The following ROR1 variants were observed in gnomAD, a reference collection of about 807,000 sequenced individuals.
ROR1 encodes inactive tyrosine-protein kinase transmembrane receptor ROR1.
ROR1 carries 19 observed loss-of-function variants against 78.8 expected under a neutral mutation model. The ratio of observed to expected loss-of-function variants is 0.24; its 90% CI spans 0.17 to 0.35. ROR1 has a LOEUF of 0.35. Ranked by LOEUF, ROR1 falls within the 10% of genes least tolerant of loss-of-function variation. The probability of loss-of-function intolerance (pLI) is 1.00; values close to 1 mark genes in which losing one functional copy is unlikely to be tolerated. For synonymous variants in ROR1, 386 were observed against 433.6 expected (o/e 0.89, Z 1.36); for missense variants, 917 against 1,177.8 (o/e 0.78, Z 3.24).
intron 1 of ROR1, among the ~76,000 whole-genome samples, chr1:63,829,431 G>T (rs973079138): frequency 1.7e-4 from 26 of 152,280 alleles, no homozygotes; most frequent in Non-Finnish European, 3.5e-4. Flanking sequence ...TGGGAGCACC[G>T]TCACGAGGGA....
At chr1:63,860,597 A>G (rs1456809215) in intron 1 of ROR1, among the ~76,000 whole-genome samples, 1 of 151,148 alleles carries the variant, frequency 6.6e-6, no homozygotes, top group African/African-American at 2.4e-5. Flanking sequence ...ACACACACAC[A>G]CACACACATA....
At chr1:63,799,158 A>G (rs151032093) in intron 1 of ROR1, among the ~76,000 whole-genome samples, 1 of 152,288 alleles carries the variant, frequency 6.6e-6, no homozygotes, top group African/African-American at 2.4e-5. Flanking sequence ...TAGAGATAAT[A>G]CATGTAAAGC....
At chr1:64,173,719 A>G (rs1211939359) in intron 8 of ROR1, among the ~76,000 whole-genome samples, 1 of 152,186 alleles carries the variant, frequency 6.6e-6, no homozygotes, top group East Asian at 1.9e-4. Flanking sequence ...AGTGGAGGGG[A>G]ATGCAGCTGG....
intron 1 of ROR1, among the ~76,000 whole-genome samples, chr1:63,803,229 A>G (rs1054971949): frequency 6.6e-5 from 10 of 152,210 alleles, no homozygotes; most frequent in Non-Finnish European, 1.5e-5. Context: ...AGTTTTACAG[A>G]TTTCGGTGGC....
chr1:64,022,068 A>C (rs1249310066), intron 2 of ROR1, among the ~76,000 whole-genome samples: 1 of 152,338 alleles, frequency 6.6e-6, no homozygotes, highest in South Asian at 2.1e-4. Context: ...GGCCATAAAA[A>C]GGAATGAAGT....
At chr1:64,058,460 T>G (rs1646891532) in intron 4 of ROR1, among the ~76,000 whole-genome samples, 1 of 152,058 alleles carries the variant, frequency 6.6e-6, no homozygotes. Context: ...TGATGTTAGC[T>G]GCGTTTTTCC....
intron 7 of ROR1, among the ~76,000 whole-genome samples, chr1:64,151,859 G>T (rs1014034276): frequency 2.7e-5 from 4 of 147,392 alleles, no homozygotes; most frequent in Non-Finnish European, 4.5e-5. Context: ...CTCCAGCCTC[G>T]GTGACAGAGC....
chr1:64,098,076 T>G (rs1647368183), intron 4 of ROR1, among the ~76,000 whole-genome samples: 1 of 152,102 alleles, frequency 6.6e-6, no homozygotes, highest in African/African-American at 2.4e-5. Context: ...AATCAATATT[T>G]CTGCCACTCG....
At chr1:64,096,597 C>G (rs552189256) in intron 4 of ROR1, among the ~76,000 whole-genome samples, 1 of 152,112 alleles carries the variant, frequency 6.6e-6, no homozygotes. Flanking sequence ...GCATTGTATT[C>G]CATGGAGTAT....
At chr1:63,845,382 A>T (rs1645074404) in intron 1 of ROR1, among the ~76,000 whole-genome samples, 1 of 152,218 alleles carries the variant, frequency 6.6e-6, no homozygotes, top group Admixed American at 6.5e-5. Flanking sequence ...TAAACGAACA[A>T]ACAAAAAAAC....
chr1:63,852,848 C>G (rs1645122750), intron 1 of ROR1, among the ~76,000 whole-genome samples: 1 of 152,166 alleles, frequency 6.6e-6, no homozygotes, highest in African/African-American at 2.4e-5. Flanking sequence ...TCTGTAAGGA[C>G]TTTATACAGA....
intron 1 of ROR1, among the ~76,000 whole-genome samples, chr1:64,001,553 G>A (rs567903720): frequency 6.6e-6 from 1 of 152,258 alleles, no homozygotes; most frequent in East Asian, 1.9e-4. Flanking sequence ...GGGAGAAACT[G>A]GGTGAAGGGT....
At chr1:64,140,057 A>G (rs1649251143) in intron 5 of ROR1, 52 bp from the exon 6 acceptor site, 1 of 1,547,214 alleles carries the variant, frequency 6.5e-7, no homozygotes, top group Non-Finnish European at 8.9e-7. Flanking sequence ...CTAGATAACC[A>G]AAGAAGATAA....
Position 64,069,217 on chromosome 1 carries a change from C to A in ROR1, c.482+18501C>A, listed in dbSNP as rs183476535. Among the ~76,000 whole-genome samples the A allele has an allele frequency of 5.3e-4, 81 of 151,916 alleles. 1 individual carries two copies. The highest frequency in any genetic ancestry group is 4.0e-4 in the Non-Finnish European group (27 of 67,948). Reference sequence around the variant, plus strand: ...TCACTGTGTATTTGCTGAAAAGGGTCTCTTTATTATTGTCCACTTTATTAT... The same window carrying A: ...TCACTGTGTATTTGCTGAAAAGGGTATCTTTATTATTGTCCACTTTATTAT... On this transcript the variant is annotated intron_variant, in intron 4 of 8. Transcript: ENST00000371079.
At chr1:63,940,498 C>CAGACAGACAGACAGACAGACAGATAGAT (rs1230477303) in intron 1 of ROR1, among the ~76,000 whole-genome samples, 1 of 75,138 alleles carries the variant, frequency 1.3e-5, no homozygotes, top group African/African-American at 3.1e-5. Context: ...GATAGACAGA[C>CAGACAGACAGACAGACAGACAGATAGAT]AGATAGATAG....
chr1:63,858,084 T>C (rs906829629), intron 1 of ROR1, among the ~76,000 whole-genome samples: 1 of 152,226 alleles, frequency 6.6e-6, no homozygotes, highest in African/African-American at 2.4e-5. Flanking sequence ...GCCTCTGAAG[T>C]TGAATTGTGC....
chr1:64,077,164 A>G lies in ROR1; in HGVS notation c.482+26448A>G, dbSNP rs548142564. ...AAATAATTTTCCCATAGAAACTGCA[A>G]ATTTATATATGAGACAAAAAACATT... On this transcript the variant is annotated intron_variant, in intron 4 of 8. Transcript: ENST00000371079. Among the ~76,000 whole-genome samples, 28 of 152,324 alleles carry G rather than the reference A, an allele frequency of 1.8e-4. No individual in the cohort carries two copies. In the South Asian group the frequency reaches 5.8e-3, roughly 32 times the overall value.
intron 1 of ROR1, among the ~76,000 whole-genome samples, chr1:63,972,753 A>G (rs897361132): frequency 6.6e-6 from 1 of 152,216 alleles, no homozygotes; most frequent in Non-Finnish European, 1.5e-5. Flanking sequence ...TGTCTAATGG[A>G]AGCGACCACA....
At chr1:63,782,160 G>C (rs1020720766) in intron 1 of ROR1, among the ~76,000 whole-genome samples, 3 of 152,060 alleles carry the variant, frequency 2.0e-5, no homozygotes, top group Non-Finnish European at 4.4e-5. Flanking sequence ...TCATTGCCTT[G>C]GAGGGTTTTT....
Sources: gnomAD v4.1 joint callset for allele counts (sites outside exome capture counted in the v4.1 genomes callset) on GRCh38, gnomAD v4.1.1 for gene constraint, MANE v1.5 for transcripts, NCBI Gene and HGNC (gene_info 2026-07-23, HGNC 2026-07-21) for gene names.